Variants in CLIP2 observed in about 807,000 individuals in gnomAD.
CLIP2 encodes CAP-Gly domain containing linker protein 2, also known as CAP-Gly domain-containing linker protein 2.
Under a neutral mutation model 111.7 loss-of-function variants are expected in CLIP2, and 41 were observed. The ratio of observed to expected loss-of-function variants is 0.37; its 90% CI spans 0.29 to 0.48. The LOEUF (loss-of-function observed/expected upper bound fraction) is 0.48. CLIP2 is among the 20% of genes least tolerant of loss of function. The pLI is 0.99. For missense variants in CLIP2, 1,160 were observed against 1,422.1 expected, an observed-to-expected ratio of 0.82 and a Z score of 2.96; for synonymous variants, 660 against 644.2, an observed-to-expected ratio of 1.02 and a Z score of -0.37.
chr7:74,371,285 T>A (rs1471839974), intron 8 of CLIP2, among the ~76,000 whole-genome samples: 2 of 147,848 alleles, frequency 1.4e-5, no homozygotes, highest in Non-Finnish European at 3.0e-5. Flanking sequence ...GGAGGAGTCC[T>A]TTGGAGTGGG....
intron 10 of CLIP2, among the ~76,000 whole-genome samples, chr7:74,377,112 G>A (rs1481113609): frequency 6.6e-6 from 1 of 152,072 alleles, no homozygotes; most frequent in Non-Finnish European, 1.5e-5. Context: ...TGCAGAGGAC[G>A]GGCTTTGATT....
chr7:74,355,144 C>T (rs1449614192), intron 4 of CLIP2, among the ~76,000 whole-genome samples: 1 of 152,120 alleles, frequency 6.6e-6, no homozygotes, highest in African/African-American at 2.4e-5. Flanking sequence ...CAGGAGTGGT[C>T]ACCATGGCAC....
intron 8 of CLIP2, among the ~76,000 whole-genome samples, chr7:74,370,247 G>A (rs1296912223): frequency 6.6e-6 from 1 of 151,422 alleles, no homozygotes; most frequent in Non-Finnish European, 1.5e-5. Flanking sequence ...ACGAGGTCAG[G>A]GGATCGAAAC....
chr7:74,370,455 C>CA (rs555830727), intron 8 of CLIP2, among the ~76,000 whole-genome samples: 1,268 of 81,770 alleles, frequency 0.016, 8 homozygotes, highest in Admixed American at 0.021. Flanking sequence ...GACTCCGTCT[C>CA]AAAAAAAAAA....
At chr7:74,403,562 C>T (rs797042605) in intron 16 of CLIP2, among the ~76,000 whole-genome samples, 11 of 152,270 alleles carry the variant, frequency 7.2e-5, no homozygotes, top group African/African-American at 2.4e-4. Context: ...AGCAAGACTC[C>T]GTCTTAAAAC....
intron 2 of CLIP2, among the ~76,000 whole-genome samples, chr7:74,337,589 G>A (rs370701112): frequency 1.1e-5 from 1 of 92,490 alleles, no homozygotes; most frequent in African/African-American, 3.0e-5. Flanking sequence ...GAAAGCCATT[G>A]CTTCTTTTTT....
intron 4 of CLIP2, among the ~76,000 whole-genome samples, chr7:74,355,356 T>C (rs1197587907): frequency 6.6e-6 from 1 of 152,140 alleles, no homozygotes; most frequent in African/African-American, 2.4e-5. Context: ...ATGTTTGTAA[T>C]CCCAGCACTT....
intron 13 of CLIP2, among the ~76,000 whole-genome samples, chr7:74,389,838 G>A (rs545747746): frequency 6.9e-4 from 104 of 151,720 alleles, no homozygotes; most frequent in Non-Finnish European, 1.3e-3. Flanking sequence ...GGAGGAGGCT[G>A]CAGTGAGCTG....
chr7:74,376,974 A>C lies in CLIP2; in HGVS notation c.2421+152A>C. 1.3e-6 allele frequency: 1 copy of C among 782,742 alleles called. No homozygotes were observed. The highest frequency in any genetic ancestry group is 3.8e-4 in the Middle Eastern group (1 of 2,628). 48.5% of individuals were successfully genotyped at this position (782,742 alleles called of 1,614,324 possible). ...AGGAAGGGGTCACCTGGCTTAGAGG[A>C]GGAGGAGCTCCTTGGCCCTCTGTTA... On this transcript the variant is annotated intron_variant, in intron 10 of 16. Transcript: ENST00000223398. This position sits in a 1 kb window ranked among gnomAD's most constrained non-coding sequence, Gnocchi z 7.1.
Position 74,388,927 on chromosome 7 carries a change from G to T in CLIP2, c.2564-176G>T, listed in dbSNP as rs1791197172. On this transcript the variant is annotated intron_variant, in intron 12 of 16. Transcript: ENST00000223398. ...GCTATAATTGTGCCACTGTACTCCAGTCTGGGTGACAGAGCCAGACCCAAT... is the reference window on the plus strand; with the variant it reads ...GCTATAATTGTGCCACTGTACTCCATTCTGGGTGACAGAGCCAGACCCAAT... 3 of 643,800 alleles carry T rather than the reference G, an allele frequency of 4.7e-6. No homozygotes were observed. The African/African-American group carries it at 5.7e-5, about 12-fold the overall frequency. 39.9% of individuals were successfully genotyped at this position (643,800 alleles called of 1,614,324 possible).
At chr7:74,351,530 C>T (rs1034830717) in intron 3 of CLIP2, among the ~76,000 whole-genome samples, 3 of 151,604 alleles carry the variant, frequency 2.0e-5, no homozygotes, top group African/African-American at 7.3e-5. Flanking sequence ...GGAAGATGTG[C>T]TCTACTAAAA....
At chr7:74,324,817 A>AACTTGCAT (rs1789066998) in intron 2 of CLIP2, among the ~76,000 whole-genome samples, 1 of 76,696 alleles carries the variant, frequency 1.3e-5, no homozygotes, top group East Asian at 3.8e-4. Flanking sequence ...CAAGATCTTG[A>AACTTGCAT]GAAAAAAAAA....
chr7:74,340,387 C>A (rs1399191596), intron 3 of CLIP2, among the ~76,000 whole-genome samples: 1 of 152,140 alleles, frequency 6.6e-6, no homozygotes, highest in African/African-American at 2.4e-5. Flanking sequence ...CAGAGTGAGA[C>A]TCTGTCTCAA....
chr7:74,322,706 C>A (rs1788996937), intron 2 of CLIP2, among the ~76,000 whole-genome samples: 1 of 152,082 alleles, frequency 6.6e-6, no homozygotes, highest in South Asian at 2.1e-4. Flanking sequence ...CTACACCTGT[C>A]CCATTGTTTA....
chr7:74,365,016 T>C, intron 8 of CLIP2: 1 of 299,776 alleles, frequency 3.3e-6, no homozygotes, highest in East Asian at 8.9e-5. Flanking sequence ...TGTGTGTGTG[T>C]GTGTGTGTGT....
chr7:74,333,897 A>C (rs967654706), intron 2 of CLIP2, among the ~76,000 whole-genome samples: 1 of 152,190 alleles, frequency 6.6e-6, no homozygotes, highest in Non-Finnish European at 1.5e-5. Flanking sequence ...GGCTGTGCCC[A>C]CAGGGAGCTC....
At position 74,376,522 on chromosome 7, in the gene CLIP2, G is replaced by A. The variant is rs1349939816; in HGVS notation, c.2121G>A (p.Leu707=). The A allele has an allele frequency of 1.2e-6, 2 of 1,603,170 alleles. No individual in the cohort carries two copies. The highest frequency in any genetic ancestry group is 2.7e-5 in the African/African-American group (2 of 74,364). ...AGLQRHWRAQ[L]EVQASQHRLE... ...TGCAGCGGCACTGGCGGGCCCAGCT[G>A]GAGGTGCAAGCCAGCCAGCACCGGC... Residue 707 remains leucine, a synonymous_variant, in exon 10 of 17, where the codon CTG becomes CTA. Transcript: ENST00000223398. The surrounding 1 kb of genome is among the most constrained non-coding windows in gnomAD (Gnocchi z 7.1).
intron 1 of CLIP2, among the ~76,000 whole-genome samples, chr7:74,292,311 A>G (rs1286104181): frequency 6.6e-6 from 1 of 152,080 alleles, no homozygotes; most frequent in African/African-American, 2.4e-5. Context: ...TTCCCTGCTC[A>G]TTGGTTCTTG....
chr7:74,398,770 G>GA (rs1369869972), intron 14 of CLIP2, among the ~76,000 whole-genome samples: 1 of 71,480 alleles, frequency 1.4e-5, no homozygotes, highest in African/African-American at 8.0e-5. Context: ...TGGCTAGCAG[G>GA]GGTTGGTGGC....
Sources: gnomAD v4.1 joint callset for allele counts (sites outside exome capture counted in the v4.1 genomes callset) on GRCh38, gnomAD v4.1.1 for gene constraint, Gnocchi (gnomAD v3.1) non-coding constraint, MANE v1.5 for transcripts, NCBI Gene and HGNC (gene_info 2026-07-23, HGNC 2026-07-21) for gene names.